EPS8L3: variants seen among roughly 807,000 people sequenced by gnomAD.
EPS8L3 encodes epidermal growth factor receptor kinase substrate 8-like protein 3.
Under a neutral mutation model 88.5 loss-of-function variants are expected in EPS8L3, and 80 were observed. The ratio of observed to expected loss-of-function variants is 0.90; its 90% CI spans 0.75 to 1.09. The LOEUF (loss-of-function observed/expected upper bound fraction) is 1.09. Among genes scored for constraint, EPS8L3 ranks in the 50% least tolerant of loss-of-function variants. The probability of loss-of-function intolerance (pLI) is 0.00; values close to 1 mark genes in which losing one functional copy is unlikely to be tolerated. For missense variants in EPS8L3, 721 were observed against 735.2 expected (o/e 0.98, Z 0.22); for synonymous variants, 286 against 291.0 (o/e 0.98, Z 0.18).
rs767385590 is a variant in EPS8L3, at chr1:109,759,179, GTGT to G, written c.405+56_405+58del. 2.0e-6 allele frequency: 3 copies of G among 1,520,474 alleles called. No homozygotes were observed. Among genetic ancestry groups the G allele is most frequent in the Non-Finnish European group, 2.7e-6 (3 of 1,103,942 alleles). The allele number at this position is 1,520,474 out of a possible 1,614,324, so 94.2% of individuals were successfully genotyped here. On this transcript the variant is annotated intron_variant, in intron 5 of 18. Coordinates refer to ENST00000361965, the MANE Select transcript of EPS8L3 (RefSeq NM_133181.4). The surrounding 1 kb of genome is among the most constrained non-coding windows in gnomAD (Gnocchi z 4.2). ...TGTGTGTGTGTGTGTGTGTGTGTGT[GTGT>G]GGTGGGGTGATGGTCGATGAACCCC...
In EPS8L3 at chr1:109,750,414, C is replaced by G. The variant is rs769590116; in HGVS notation, c.1771-12G>C. On this transcript the variant is annotated splice_polypyrimidine_tract_variant and intron_variant, in intron 18 of 18. Coordinates refer to ENST00000361965, the MANE Select transcript of EPS8L3 (RefSeq NM_133181.4). Reference sequence around the variant, plus strand: ...GCCTAAGGGCTTATCTGAGGAAAGACAAAGATTCAGATGAGGCTGATGGCA... The same window carrying G: ...GCCTAAGGGCTTATCTGAGGAAAGAGAAAGATTCAGATGAGGCTGATGGCA... 5.0e-6 allele frequency: 8 copies of G among 1,613,462 alleles called. No homozygotes were observed. The highest frequency in any genetic ancestry group is 6.8e-6 in the Non-Finnish European group (8 of 1,179,772).
intron 13 of EPS8L3, among the ~76,000 whole-genome samples, 190 bp from the exon 14 acceptor site, chr1:109,752,910 T>C (rs1254172312): frequency 6.6e-6 from 1 of 152,138 alleles, no homozygotes; most frequent in African/African-American, 2.4e-5. Flanking sequence ...AGATGGGGCC[T>C]CAGAAATTGA....
In EPS8L3 at chr1:109,759,940, G is replaced by T. The variant is rs1399132579; in HGVS notation, c.97-104C>A. 2.4e-6 allele frequency: 3 copies of T among 1,266,364 alleles called. No individual in the cohort carries two copies. The highest frequency in any genetic ancestry group is 2.2e-6 in the Non-Finnish European group (2 of 915,876). 78.4% of individuals were successfully genotyped at this position (1,266,364 alleles called of 1,614,324 possible). A position where few individuals can be genotyped will look rare whatever the true frequency, so the allele number is the denominator to read the frequency against. On this transcript the variant is annotated intron_variant, in intron 3 of 18. Coordinates refer to ENST00000361965, the MANE Select transcript of EPS8L3 (RefSeq NM_133181.4). This position sits in a 1 kb window ranked among gnomAD's most constrained non-coding sequence, Gnocchi z 4.2. Reference sequence around the variant, plus strand: ...AGAAGAGGAAGAAGACGTGTCCTCGGCCCCCTTGAGGTAGGAGGTTCCAGG... The same window carrying T: ...AGAAGAGGAAGAAGACGTGTCCTCGTCCCCCTTGAGGTAGGAGGTTCCAGG...
In EPS8L3 at chr1:109,759,504, G is replaced by T; in HGVS notation, c.256-117C>A. 6.6e-7 allele frequency: 1 copy of T among 1,524,752 alleles called. No homozygotes were observed. Among genetic ancestry groups the T allele is most frequent in the South Asian group, 1.3e-5 (1 of 78,294 alleles). The allele number at this position is 1,524,752 out of a possible 1,614,324, so 94.5% of individuals were successfully genotyped here. A position where few individuals can be genotyped will look rare whatever the true frequency, so the allele number is the denominator to read the frequency against. ...CCTAGGGCTGAGGTGTCATCTACCT[G>T]ACTCTTGTGCCTCTGTCCCCAGCCT... On this transcript the variant is annotated intron_variant, in intron 4 of 18. Transcript: ENST00000361965. The surrounding 1 kb of genome is among the most constrained non-coding windows in gnomAD (Gnocchi z 4.2).
In EPS8L3 at chr1:109,759,857, C is replaced by T; in HGVS notation, c.97-21G>A. ...AAGTGCTGCAGGGAGAGGGGGAGTC[C>T]TAGGACTGGGAGAAAGCTCAGAGAG... On this transcript the variant is annotated intron_variant, in intron 3 of 18. Coordinates refer to ENST00000361965, the MANE Select transcript of EPS8L3 (RefSeq NM_133181.4). This position sits in a 1 kb window ranked among gnomAD's most constrained non-coding sequence, Gnocchi z 4.2. 1.9e-6 allele frequency: 3 copies of T among 1,611,462 alleles called. No homozygotes were observed. Among genetic ancestry groups the T allele is most frequent in the Non-Finnish European group, 1.7e-6 (2 of 1,178,952 alleles).
intron 15 of EPS8L3, 71 bp downstream of exon 15, chr1:109,751,924 C>A (rs1649831799): frequency 6.4e-7 from 1 of 1,563,348 alleles, no homozygotes; most frequent in African/African-American, 1.4e-5. Context: ...ATCCCTGGAC[C>A]ATCCACCCTT....
At chr1:109,763,407 C>T (rs1339666750) in intron 1 of EPS8L3, among the ~76,000 whole-genome samples, 4 of 152,164 alleles carry the variant, frequency 2.6e-5, no homozygotes, top group African/African-American at 9.7e-5. Context: ...CCCTGTGGGG[C>T]CCTCTAGGTA....
At chr1:109,758,684 G>A (rs1478651435) in intron 6 of EPS8L3, 21 bp from the exon 7 acceptor site, 9 of 1,539,548 alleles carry the variant, frequency 5.8e-6, no homozygotes, top group Non-Finnish European at 7.9e-6. Flanking sequence ...CATGGTAGGG[G>A]CCACATCTTT....
intron 3 of EPS8L3, among the ~76,000 whole-genome samples, chr1:109,760,761 C>T (rs1013476766): frequency 1.3e-5 from 2 of 152,074 alleles, no homozygotes; most frequent in African/African-American, 4.8e-5. Context: ...CAGCTCCCTC[C>T]CTGCTTGTTC....
At chr1:109,754,046 C>T (rs1650053940) in intron 12 of EPS8L3, among the ~76,000 whole-genome samples, 1 of 152,130 alleles carries the variant, frequency 6.6e-6, no homozygotes, top group Non-Finnish European at 1.5e-5. Context: ...GAATGATTCC[C>T]TCTTCTCAAT....
intron 1 of EPS8L3, among the ~76,000 whole-genome samples, chr1:109,762,664 C>G (rs904791432): frequency 2.6e-5 from 4 of 152,190 alleles, no homozygotes; most frequent in Non-Finnish European, 5.9e-5. Flanking sequence ...GTTCTAACGG[C>G]GTTACCTTCA....
intron 11 of EPS8L3, 72 bp from the exon 12 acceptor site, chr1:109,757,237 A>G: frequency 6.8e-7 from 1 of 1,474,718 alleles, no homozygotes; most frequent in Non-Finnish European, 9.0e-7. Context: ...AAAGGCCCAG[A>G]GTCCCTGGCT....
chr1:109,760,372 G>GT (rs1192705933), intron 3 of EPS8L3, among the ~76,000 whole-genome samples: 2 of 152,116 alleles, frequency 1.3e-5, no homozygotes, highest in Non-Finnish European at 2.9e-5. Context: ...CCATCCAGGA[G>GT]TTTTTTGCTG....
At chr1:109,760,504 AC>A (rs914264873) in intron 3 of EPS8L3, among the ~76,000 whole-genome samples, 3 of 118,312 alleles carry the variant, frequency 2.5e-5, no homozygotes, top group African/African-American at 6.5e-5. Context: ...CTTTGACCCC[AC>A]CCCCCTGCCC....
At chr1:109,758,688 C>T in intron 6 of EPS8L3, 25 bp from the exon 7 acceptor site, 1 of 1,534,162 alleles carries the variant, frequency 6.5e-7, no homozygotes, top group Non-Finnish European at 8.8e-7. Context: ...GTAGGGGCCA[C>T]ATCTTTGACA....
chr1:109,761,669 TCTGGGGGCTCA>T (rs1650972899), intron 2 of EPS8L3, 39 bp downstream of exon 2: 1 of 1,611,862 alleles, frequency 6.2e-7, no homozygotes, highest in Non-Finnish European at 8.5e-7. Flanking sequence ...GATGGGACAT[TCTGGGGGCTCA>T]GTGGGAGGGC....
intron 16 of EPS8L3, 44 bp from the exon 17 acceptor site, chr1:109,751,395 C>T: frequency 6.4e-7 from 1 of 1,566,034 alleles, no homozygotes; most frequent in East Asian, 2.2e-5. Context: ...TCTCATCTCA[C>T]AGCCAACCAC....
chr1:109,763,534 T>TC (rs1318728824), intron 1 of EPS8L3, among the ~76,000 whole-genome samples: 3 of 151,840 alleles, frequency 2.0e-5, no homozygotes, highest in Admixed American at 6.6e-5. Flanking sequence ...ACAGCCCATT[T>TC]CCCCCCTTTA....
intron 13 of EPS8L3, 35 bp downstream of exon 13, chr1:109,753,082 G>C (rs757016490): frequency 3.8e-6 from 6 of 1,561,438 alleles, no homozygotes; most frequent in Non-Finnish European, 4.4e-6. Context: ...AGGGACTAGG[G>C]CTGTGGGTAG....
Sources: allele counts gnomAD v4.1 joint callset (sites outside exome capture counted in the v4.1 genomes callset), GRCh38; gene constraint gnomAD v4.1.1; non-coding constraint Gnocchi (gnomAD v3.1); transcripts MANE v1.5; gene names NCBI Gene and HGNC (gene_info 2026-07-23, HGNC 2026-07-21).